The following FHOD3 variants were observed in gnomAD, a reference collection of about 807,000 sequenced individuals.
The protein encoded by FHOD3 is formin homology 2 domain containing 3, also known as FH1/FH2 domain-containing protein 3.
A neutral mutation model predicts 173.0 loss-of-function variants in FHOD3; 90 were observed. That is an observed-to-expected ratio of 0.52 (90% CI 0.44 to 0.62). FHOD3 has a LOEUF of 0.62. FHOD3 is among the 20% of genes least tolerant of loss of function. The pLI, the probability that FHOD3 is intolerant of heterozygous loss-of-function variation, is 0.00. For synonymous variants in FHOD3, 828 were observed against 823.0 expected, an observed-to-expected ratio of 1.01 and a Z score of -0.10; for missense variants, 1,945 against 2,034.7, an observed-to-expected ratio of 0.96 and a Z score of 0.85.
At chr18:36,710,041 G>A (rs1033156371) in intron 18 of FHOD3, 4 of 152,112 alleles carry the variant, frequency 2.6e-5, no homozygotes, top group Admixed American at 2.0e-4. Context: ...TCTTTTTGAT[G>A]TTACACTTAA....
chr18:36,427,041 T>G (rs931472551), intron 3 of FHOD3, among the ~76,000 whole-genome samples: 13 of 152,174 alleles, frequency 8.5e-5, no homozygotes, highest in Non-Finnish European at 4.4e-5. Flanking sequence ...TCGAGGTGTG[T>G]TTCTAAGAAA....
At chr18:36,611,360 T>C (rs11081958) in intron 8 of FHOD3, among the ~76,000 whole-genome samples, 3 of 152,154 alleles carry the variant, frequency 2.0e-5, no homozygotes, top group Non-Finnish European at 4.4e-5. Flanking sequence ...TAGTAGGTCC[T>C]CTGCCCAGGG....
chr18:36,755,157 A>T lies in FHOD3; in HGVS notation c.4271A>T (p.Tyr1424Phe). Reference sequence around the variant, plus strand: ...TTACTCTTTATGGGCCATCCACCTTATGCAATTCGGGAAGTGAACATAAAC... The same window carrying T: ...TTACTCTTTATGGGCCATCCACCTTTTGCAATTCGGGAAGTGAACATAAAC... ...SFLLFMGHPP[Y>F]AIREVNINKF... Residue 1424 changes from tyrosine to phenylalanine, a missense_variant, in exon 25 of 29, where the codon TAT becomes TTT. Physicochemically the swap from Tyr to Phe is conservative, Grantham distance 22. Around this residue, in one of 5 missense-constraint regions of FHOD3, gnomAD observed 354 missense variants for 359.9 expected, o/e 0.98. Transcript: ENST00000590592. 6.2e-7 allele frequency: 1 copy of T among 1,611,480 alleles called. No individual in the cohort carries two copies. The highest frequency in any genetic ancestry group is 8.5e-7 in the Non-Finnish European group (1 of 1,178,958).
At chr18:36,500,742 C>A (rs2054988881) in intron 3 of FHOD3, among the ~76,000 whole-genome samples, 1 of 152,324 alleles carries the variant, frequency 6.6e-6, no homozygotes, top group Admixed American at 6.5e-5. Context: ...GATTACTTAG[C>A]CTTTGCTCCT....
At chr18:36,653,872 A>G (rs2036233636) in intron 13 of FHOD3, among the ~76,000 whole-genome samples, 1 of 152,184 alleles carries the variant, frequency 6.6e-6, no homozygotes, top group Non-Finnish European at 1.5e-5. Context: ...TGAAATTAGT[A>G]CTTTATTACT....
chr18:36,529,026 C>G (rs577635105), intron 5 of FHOD3, among the ~76,000 whole-genome samples: 9 of 152,312 alleles, frequency 5.9e-5, no homozygotes, highest in Admixed American at 2.6e-4. Flanking sequence ...ATATCACTAT[C>G]ATTTGCTACA....
At chr18:36,489,031 G>T (rs991185562) in intron 3 of FHOD3, among the ~76,000 whole-genome samples, 2 of 152,148 alleles carry the variant, frequency 1.3e-5, no homozygotes, top group African/African-American at 4.8e-5. Context: ...GGCTGCAGTG[G>T]GTGCCTCCAT....
chr18:36,627,407 A>G (rs116296241), intron 10 of FHOD3, among the ~76,000 whole-genome samples: 269 of 152,262 alleles, frequency 1.8e-3, no homozygotes, highest in African/African-American at 6.2e-3. Context: ...AGTTCAGGTG[A>G]CAATGCTTTG....
intron 8 of FHOD3, among the ~76,000 whole-genome samples, chr18:36,608,495 A>G (rs1327028952): frequency 2.6e-5 from 4 of 152,222 alleles, no homozygotes; most frequent in African/African-American, 9.6e-5. Flanking sequence ...TTTCCAACAC[A>G]TGAACTTTGG....
chr18:36,755,334 C>A (rs755285072), intron 25 of FHOD3, 23 bp downstream of exon 25: 14 of 1,469,972 alleles, frequency 9.5e-6, no homozygotes, highest in Middle Eastern at 3.6e-4. Flanking sequence ...CAATCCCTCT[C>A]CTTATGTCAT....
chr18:36,482,856 CACAGAGAGAGAG>C (rs755322859), intron 3 of FHOD3, among the ~76,000 whole-genome samples: 2,690 of 64,000 alleles, frequency 0.042, 56 homozygotes, highest in African/African-American at 0.085. Context: ...CTCACACACA[CACAGAGAGAGAG>C]AGAGAGAGAG....
chr18:36,706,958 A>C (rs553504684), intron 17 of FHOD3, among the ~76,000 whole-genome samples: 1 of 152,184 alleles, frequency 6.6e-6, no homozygotes, highest in African/African-American at 2.4e-5. Context: ...TTGTAAAATT[A>C]ATGGGGTTTT....
intron 2 of FHOD3, among the ~76,000 whole-genome samples, chr18:36,368,251 C>T (rs1325670496): frequency 6.6e-6 from 1 of 152,110 alleles, no homozygotes; most frequent in Non-Finnish European, 1.5e-5. Flanking sequence ...TTTCTATATT[C>T]CTGTCTTAAA....
chr18:36,495,205 T>G (rs2054679949), intron 3 of FHOD3, among the ~76,000 whole-genome samples: 1 of 152,162 alleles, frequency 6.6e-6, no homozygotes, highest in African/African-American at 2.4e-5. Context: ...CCTCCCAAAG[T>G]GCTGGGATTA....
chr18:36,465,345 C>T (rs562694721), intron 3 of FHOD3, among the ~76,000 whole-genome samples: 5 of 152,066 alleles, frequency 3.3e-5, no homozygotes, highest in Non-Finnish European at 7.4e-5. Context: ...CAATTAGACA[C>T]GGATCTCATA....
intron 17 of FHOD3, among the ~76,000 whole-genome samples, chr18:36,707,875 G>T (rs1401941083): frequency 6.6e-6 from 1 of 152,122 alleles, no homozygotes; most frequent in African/African-American, 2.4e-5. Context: ...GTGTACCTAG[G>T]GTTCAAGCAC....
intron 3 of FHOD3, among the ~76,000 whole-genome samples, chr18:36,425,526 G>C (rs950395017): frequency 1.3e-5 from 2 of 152,004 alleles, no homozygotes; most frequent in African/African-American, 4.8e-5. Context: ...CAGAATAATA[G>C]CAAAAGTGGC....
At chr18:36,647,956 T>G (rs1387282757) in intron 10 of FHOD3, among the ~76,000 whole-genome samples, 1 of 152,192 alleles carries the variant, frequency 6.6e-6, no homozygotes, top group Non-Finnish European at 1.5e-5. Flanking sequence ...TTGTGAAAAT[T>G]CAGTGGTTTG....
intron 3 of FHOD3, among the ~76,000 whole-genome samples, chr18:36,477,526 T>TCCATCCATCCATCCACCCAC (rs1555721251): frequency 9.4e-6 from 1 of 106,336 alleles, no homozygotes; most frequent in African/African-American, 4.2e-5. Flanking sequence ...CATCCATCCA[T>TCCATCCATCCATCCACCCAC]CCACCCACCC....
Sources: allele counts gnomAD v4.1 joint callset (sites outside exome capture counted in the v4.1 genomes callset), GRCh38; gene constraint gnomAD v4.1.1; regional missense constraint gnomAD v4.1.1; transcripts MANE v1.5; gene names NCBI Gene and HGNC (gene_info 2026-07-23, HGNC 2026-07-21).